KDM3B: variants seen among roughly 807,000 people sequenced by gnomAD.
KDM3B encodes the protein lysine demethylase 3B, also known as lysine-specific demethylase 3B.
In KDM3B, 10 loss-of-function variants were observed where a neutral mutation model predicts 170.0. The observed-to-expected ratio is 0.06, with a 90% CI of 0.04 to 0.10. The LOEUF is 0.10. Ranked by LOEUF, KDM3B falls within the 10% of genes least tolerant of loss-of-function variation. KDM3B has a pLI of 1.00. For missense variants in KDM3B, 1,394 were observed against 2,195.2 expected, an observed-to-expected ratio of 0.64 and a Z score of 7.29; for synonymous variants, 831 against 834.8, an observed-to-expected ratio of 1.00 and a Z score of 0.08.
At chr5:138,381,308 T>G (rs1762119319) in intron 5 of KDM3B, among the ~76,000 whole-genome samples, 1 of 152,238 alleles carries the variant, frequency 6.6e-6, no homozygotes, top group Non-Finnish European at 1.5e-5. Flanking sequence ...ATTCACTTCT[T>G]TCATTCATTC....
At chr5:138,401,981 T>C (rs1372816181) in intron 11 of KDM3B, among the ~76,000 whole-genome samples, 1 of 151,938 alleles carries the variant, frequency 6.6e-6, no homozygotes, top group Non-Finnish European at 1.5e-5. Flanking sequence ...CAGGCTGGAG[T>C]GCAGTGGCAT....
At chr5:138,385,969 G>A (rs1762249103) in intron 6 of KDM3B, 53 bp from the exon 7 acceptor site, 1 of 1,544,842 alleles carries the variant, frequency 6.5e-7, no homozygotes, top group Non-Finnish European at 8.7e-7. Flanking sequence ...ATGGTGTGTG[G>A]TATTCACAGG....
chr5:138,427,453 G>A, intron 19 of KDM3B, 134 bp downstream of exon 19: 8 of 1,009,520 alleles, frequency 7.9e-6, no homozygotes, highest in Non-Finnish European at 1.0e-5. Flanking sequence ...AGTATCCAAG[G>A]TGGTCTTGAA....
intron 8 of KDM3B, 119 bp from the exon 9 acceptor site, chr5:138,393,052 C>A: frequency 1.2e-6 from 1 of 838,316 alleles, no homozygotes; most frequent in Non-Finnish European, 1.9e-6. Flanking sequence ...GGGTACATGC[C>A]CAAGCAGGGA....
intron 11 of KDM3B, among the ~76,000 whole-genome samples, chr5:138,409,118 A>G (rs1762897857): frequency 6.6e-6 from 1 of 152,240 alleles, no homozygotes; most frequent in South Asian, 2.1e-4. Flanking sequence ...TCTTAGGTTC[A>G]GGAACAAAGC....
intron 11 of KDM3B, among the ~76,000 whole-genome samples, chr5:138,410,797 C>T (rs572886215): frequency 6.6e-6 from 1 of 152,150 alleles, no homozygotes; most frequent in Admixed American, 6.5e-5. Context: ...GCCTGGCAGC[C>T]GAGGCAGAGA....
At chr5:138,361,998 C>T (rs1380933199) in intron 1 of KDM3B, among the ~76,000 whole-genome samples, 1 of 152,112 alleles carries the variant, frequency 6.6e-6, no homozygotes, top group African/African-American at 2.4e-5. Context: ...TCTGAACTTA[C>T]TTCATCTACC....
intron 2 of KDM3B, among the ~76,000 whole-genome samples, chr5:138,374,629 G>T (rs755876567): frequency 6.6e-6 from 1 of 152,166 alleles, no homozygotes; most frequent in Non-Finnish European, 1.5e-5. Flanking sequence ...TGCATGTGAG[G>T]TCTCTTCATG....
intron 1 of KDM3B, among the ~76,000 whole-genome samples, chr5:138,364,925 G>T (rs745717962): frequency 6.6e-6 from 1 of 152,162 alleles, no homozygotes; most frequent in East Asian, 1.9e-4. Context: ...AATTTATTCA[G>T]GATGTTAGAA....
Position 138,430,352 on chromosome 5 carries a change from A to G in KDM3B, c.4997A>G (p.Tyr1666Cys). The change falls in exon 22 of 24, where the codon TAT (tyrosine) becomes TGT (cysteine). Residue 1666 changes from tyrosine to cysteine, a missense_variant. Coordinates refer to ENST00000314358, the MANE Select transcript of KDM3B (RefSeq NM_016604.4). Reference protein sequence around the residue: ...QTLRKRLYEEYGVQGWAIVQF... With the variant: ...QTLRKRLYEECGVQGWAIVQF... ...CTCCGTAAGCGACTCTATGAGGAGT[A>G]TGGCGTGCAAGGCTGGGCTATTGTG... 1 of 1,614,144 alleles carries G rather than the reference A, an allele frequency of 6.2e-7. No homozygotes were observed. The highest frequency in any genetic ancestry group is 8.5e-7 in the Non-Finnish European group (1 of 1,180,010).
intron 6 of KDM3B, among the ~76,000 whole-genome samples, chr5:138,384,102 C>T (rs1762194020): frequency 2.0e-5 from 3 of 146,924 alleles, no homozygotes; most frequent in East Asian, 2.1e-4. Context: ...AAAAATTAGC[C>T]GGGCGCGGTG....
At chr5:138,361,669 T>C (rs1761613086) in intron 1 of KDM3B, among the ~76,000 whole-genome samples, 1 of 152,208 alleles carries the variant, frequency 6.6e-6, no homozygotes, top group Non-Finnish European at 1.5e-5. Flanking sequence ...GTTCCTTCTT[T>C]AAACTTTTCT....
chr5:138,388,632 C>T (rs1458766366), intron 7 of KDM3B, among the ~76,000 whole-genome samples: 3 of 132,694 alleles, frequency 2.3e-5, no homozygotes, highest in Non-Finnish European at 3.1e-5. Context: ...CAGAGCGAGA[C>T]TCCGTCTTTA....
chr5:138,393,432 T>C (rs1195199661), intron 9 of KDM3B, 60 bp downstream of exon 9: 1 of 1,337,272 alleles, frequency 7.5e-7, no homozygotes, highest in African/African-American at 1.5e-5. Context: ...TAACTTCCAC[T>C]CTTTCTCTGA....
rs547184586 is a variant in KDM3B at position 138,414,038 on chromosome 5, A to C, written c.3200-1094A>C. Among the ~76,000 whole-genome samples the C allele has an allele frequency of 9.2e-5, 14 of 152,374 alleles. No individual in the cohort carries two copies. The South Asian group carries it at 2.9e-3, about 32-fold the overall frequency. ...CATGGAATACTACTCAGCTATACAA[A>C]GGAATGAATTACTAATACACACAAC... On this transcript the variant is annotated intron_variant, in intron 11 of 23. Transcript: ENST00000314358.
chr5:138,387,679 A>G (rs1354029704), intron 7 of KDM3B, among the ~76,000 whole-genome samples: 2 of 152,192 alleles, frequency 1.3e-5, no homozygotes, highest in Non-Finnish European at 1.5e-5. Flanking sequence ...CAAATTTCAC[A>G]CTGTTGATGG....
chr5:138,435,883 C>T lies in KDM3B; in HGVS notation c.*183C>T, dbSNP rs1339621472. On this transcript the variant is annotated 3_prime_UTR_variant, in exon 24 of 24. Coordinates refer to ENST00000314358, the MANE Select transcript of KDM3B (RefSeq NM_016604.4). Reference sequence around the variant, plus strand: ...ACACTGAAGGTTGACACAGGAAAGTCGTACTGTTCACACACACAGTTTGAG... The same window carrying T: ...ACACTGAAGGTTGACACAGGAAAGTTGTACTGTTCACACACACAGTTTGAG... 5 of 593,708 alleles carry T rather than the reference C, an allele frequency of 8.4e-6. No homozygotes were observed. The highest frequency in any genetic ancestry group is 1.5e-5 in the Non-Finnish European group (5 of 332,314). The allele number at this position is 593,708 out of a possible 1,614,324, so 36.8% of individuals were successfully genotyped here. A position where few individuals can be genotyped will look rare whatever the true frequency, so the allele number is the denominator to read the frequency against.
At position 138,363,394 on chromosome 5, in the gene KDM3B, G is replaced by A. The variant is rs117822599; in HGVS notation, c.193-9280G>A. The stretch of plus-strand genomic sequence containing the variant: ...TTAATTTTTTCATCTTGATATTGGA[G>A]TCACATTTGGGACTCCAATCCAAGG... On this transcript the variant is annotated intron_variant, in intron 1 of 23. Coordinates refer to ENST00000314358, the MANE Select transcript of KDM3B (RefSeq NM_016604.4). Among the ~76,000 whole-genome samples the A allele has an allele frequency of 8.1e-3, 1,235 of 152,064 alleles. 49 individuals are homozygous for A. The highest frequency in any genetic ancestry group is 0.058 in the Admixed American group (887 of 15,276).
chr5:138,418,498 GAT>G (rs1162532600), intron 13 of KDM3B, among the ~76,000 whole-genome samples: 1 of 152,070 alleles, frequency 6.6e-6, no homozygotes, highest in Admixed American at 6.6e-5. Flanking sequence ...GGGTTCTTGA[GAT>G]ATATTTTCAG....
Sources: allele counts gnomAD v4.1 joint callset (sites outside exome capture counted in the v4.1 genomes callset), GRCh38; gene constraint gnomAD v4.1.1; transcripts MANE v1.5; gene names NCBI Gene and HGNC (gene_info 2026-07-23, HGNC 2026-07-21).